PRR16: variants seen among roughly 807,000 people sequenced by gnomAD.
PRR16 encodes the protein proline rich 16, also known as protein Largen.
PRR16 carries 6 observed loss-of-function variants against 18.2 expected under a neutral mutation model. That is an observed-to-expected ratio of 0.33 (90% CI 0.18 to 0.65). The LOEUF is 0.65. Ranked by LOEUF, PRR16 falls within the 30% of genes least tolerant of loss-of-function variation. The pLI, the probability that PRR16 is intolerant of heterozygous loss-of-function variation, is 0.74. For synonymous variants in PRR16, 151 were observed against 147.8 expected (o/e 1.02, Z -0.16); for missense variants, 412 against 376.6 (o/e 1.09, Z -0.78).
chr5:120,682,185 G>A (rs930951676), intron 1 of PRR16, among the ~76,000 whole-genome samples: 1 of 152,106 alleles, frequency 6.6e-6, no homozygotes, highest in East Asian at 1.9e-4. Context: ...TTCTGTCAGA[G>A]GACCTTTATC....
chr5:120,609,645 T>C (rs1754271659), intron 1 of PRR16, among the ~76,000 whole-genome samples: 1 of 152,208 alleles, frequency 6.6e-6, no homozygotes, highest in African/African-American at 2.4e-5. Context: ...CTTACACATT[T>C]TTAAAACATG....
At chr5:120,722,117 T>C in the PRR16 span, among the ~76,000 whole-genome samples, 2 of 151,936 alleles carry the variant, frequency 1.3e-5, no homozygotes, top group Non-Finnish European at 2.9e-5. Flanking sequence ...AGTGAGAGAA[T>C]GTGGTTTGGT....
At chr5:120,662,760 A>G (rs926262344) in intron 1 of PRR16, among the ~76,000 whole-genome samples, 6 of 152,232 alleles carry the variant, frequency 3.9e-5, no homozygotes, top group South Asian at 4.1e-4. Flanking sequence ...TCTAAGATTG[A>G]TGATCCTCCT....
chr5:120,718,289 A>C, the PRR16 span, among the ~76,000 whole-genome samples: 43 of 152,278 alleles, frequency 2.8e-4, no homozygotes, highest in Non-Finnish European at 4.7e-4. Flanking sequence ...ACGTATCAGA[A>C]AACACCAATA....
At chr5:120,669,784 A>G (rs1218832860) in intron 1 of PRR16, among the ~76,000 whole-genome samples, 10 of 152,142 alleles carry the variant, frequency 6.6e-5, no homozygotes, top group African/African-American at 2.4e-4. Context: ...TCTAGATTTT[A>G]CATTCACAAC....
chr5:120,645,152 C>G (rs1238944466), intron 1 of PRR16, among the ~76,000 whole-genome samples: 2 of 152,014 alleles, frequency 1.3e-5, no homozygotes, highest in African/African-American at 4.8e-5. Flanking sequence ...AGACATGAGT[C>G]CTTTATTTAC....
At chr5:120,581,907 G>C (rs893191432) in intron 1 of PRR16, among the ~76,000 whole-genome samples, 4 of 151,960 alleles carry the variant, frequency 2.6e-5, no homozygotes, top group African/African-American at 9.7e-5. Flanking sequence ...CCGTTCTTTT[G>C]CATTTGCTGA....
At position 120,686,853 on chromosome 5, in the gene PRR16, T is replaced by C; in HGVS notation, c.*144T>C. 1.8e-6 allele frequency: 1 copy of C among 564,588 alleles called. No homozygotes were observed. The highest frequency in any genetic ancestry group is 3.1e-5 in the East Asian group (1 of 31,926). The allele number at this position is 564,588 out of a possible 1,614,324, so 35.0% of individuals were successfully genotyped here. On this transcript the variant is annotated 3_prime_UTR_variant, in exon 2 of 2. Coordinates refer to ENST00000407149, the MANE Select transcript of PRR16 (RefSeq NM_001300783.2). The stretch of plus-strand genomic sequence containing the variant: ...AGTGGCATAAAAATCACCTGGTAAG[T>C]ATGCAGCACATTGCTTATATCCTGG...
chr5:120,663,212 T>G (rs1447492497), intron 1 of PRR16, among the ~76,000 whole-genome samples: 2 of 152,122 alleles, frequency 1.3e-5, no homozygotes, highest in Non-Finnish European at 2.9e-5. Context: ...CCCCCTTTTT[T>G]TTTCCCTTAG....
At chr5:120,788,948 A>G in the PRR16 span, among the ~76,000 whole-genome samples, 1 of 152,040 alleles carries the variant, frequency 6.6e-6, no homozygotes, top group Admixed American at 6.6e-5. Flanking sequence ...CTAATAGAAT[A>G]GTGACTAGTA....
At chr5:120,778,340 C>G in the PRR16 span, among the ~76,000 whole-genome samples, 2 of 152,118 alleles carry the variant, frequency 1.3e-5, no homozygotes, top group African/African-American at 4.8e-5. Context: ...CAAGAGCTTT[C>G]AAGAAACACC....
At position 120,535,718 on chromosome 5, in the gene PRR16, T is replaced by A. The variant is rs114872680; in HGVS notation, c.159+71073T>A. 9.5e-3 allele frequency among the ~76,000 whole-genome samples: 1,447 copies of A among 152,218 alleles called. 28 individuals carry two copies. The highest frequency in any genetic ancestry group is 0.033 in the African/African-American group (1,381 of 41,530). ...GGGAGGCTGAAGCATGGGAATTGCT[T>A]GAGTCTGGGAGGCGGAGGTTGCAGT... On this transcript the variant is annotated intron_variant, in intron 1 of 1. Coordinates refer to ENST00000407149, the MANE Select transcript of PRR16 (RefSeq NM_001300783.2).
At chr5:120,631,531 G>A (rs1373492053) in intron 1 of PRR16, among the ~76,000 whole-genome samples, 1 of 152,112 alleles carries the variant, frequency 6.6e-6, no homozygotes, top group Admixed American at 6.5e-5. Flanking sequence ...CCAGCTGCAT[G>A]GGATTGGGAT....
intron 1 of PRR16, among the ~76,000 whole-genome samples, chr5:120,628,638 A>G (rs1313299514): frequency 4.1e-5 from 6 of 147,158 alleles, no homozygotes; most frequent in Non-Finnish European, 9.0e-5. Flanking sequence ...TCATCTCTCT[A>G]TCTTTCTACC....
intron 1 of PRR16, among the ~76,000 whole-genome samples, chr5:120,496,339 AT>A (rs1171379150): frequency 6.6e-6 from 1 of 151,966 alleles, no homozygotes; most frequent in Non-Finnish European, 1.5e-5. Context: ...GGAACTGCAG[AT>A]TTTCTTACTT....
At chr5:120,466,781 A>G (rs1166204618) in intron 1 of PRR16, among the ~76,000 whole-genome samples, 1 of 152,214 alleles carries the variant, frequency 6.6e-6, no homozygotes, top group African/African-American at 2.4e-5. Context: ...AGATCTAGAG[A>G]TACAATTTTG....
intron 1 of PRR16, among the ~76,000 whole-genome samples, chr5:120,566,824 T>C (rs1414852095): frequency 6.6e-6 from 1 of 152,304 alleles, no homozygotes; most frequent in African/African-American, 2.4e-5. Context: ...TTGAAGCTAT[T>C]CTCTATGAAT....
chr5:120,533,745 G>T (rs191514422), intron 1 of PRR16, among the ~76,000 whole-genome samples: 2 of 152,172 alleles, frequency 1.3e-5, no homozygotes, highest in Admixed American at 6.5e-5. Flanking sequence ...GAGTCTGTCC[G>T]CTGGCTGTTG....
At chr5:120,628,738 CTATCTATCTATCATCT>C (rs914253147) in intron 1 of PRR16, among the ~76,000 whole-genome samples, 1 of 146,210 alleles carries the variant, frequency 6.8e-6, no homozygotes, top group African/African-American at 2.6e-5. Flanking sequence ...ATCTATCTAT[CTATCTATCTATCATCT>C]ATCTGTCTTT....
Sources: allele counts gnomAD v4.1 joint callset (sites outside exome capture counted in the v4.1 genomes callset), GRCh38; gene constraint gnomAD v4.1.1; transcripts MANE v1.5; gene names NCBI Gene and HGNC (gene_info 2026-07-23, HGNC 2026-07-21).